Variants in CXADR observed in about 807,000 individuals in gnomAD.
The protein encoded by CXADR is coxsackievirus and adenovirus receptor.
CXADR carries 20 observed loss-of-function variants against 40.3 expected under a neutral mutation model. That is an observed-to-expected ratio of 0.50 (90% CI 0.35 to 0.72). The LOEUF (loss-of-function observed/expected upper bound fraction) is 0.72, where lower values mean the gene tolerates loss of function less well. CXADR is among the 30% of genes least tolerant of loss of function. CXADR has a pLI of 0.01. For synonymous variants in CXADR, 150 were observed against 161.3 expected (o/e 0.93, Z 0.53); for missense variants, 332 against 449.1 (o/e 0.74, Z 2.36).
chr21:17,532,973 T>C lies in CXADR; in HGVS notation c.44-14054T>C, dbSNP rs1051582064. On this transcript the variant is annotated intron_variant, in intron 1 of 6. Coordinates refer to ENST00000284878, the MANE Select transcript of CXADR (RefSeq NM_001338.5). ...GAACTCCTACTGTTTAAGAAATGTC[T>C]GCATTTGTTGGGAGCTGGACTCAGA... is the stretch of plus-strand genomic sequence containing the variant. Among the ~76,000 whole-genome samples the C allele has an allele frequency of 3.9e-5, 6 of 152,332 alleles. No individual in the cohort carries two copies. In the South Asian group the frequency reaches 1.2e-3, roughly 32 times the overall value.
At chr21:17,538,522 T>C (rs778520237) in intron 1 of CXADR, among the ~76,000 whole-genome samples, 2 of 152,080 alleles carry the variant, frequency 1.3e-5, no homozygotes, top group African/African-American at 2.4e-5. Context: ...AAAGGAGTTA[T>C]AGGCTGGATG....
At chr21:17,624,572 A>G in the CXADR span, among the ~76,000 whole-genome samples, 1 of 152,220 alleles carries the variant, frequency 6.6e-6, no homozygotes, top group Non-Finnish European at 1.5e-5. Context: ...TGCAGCCAGA[A>G]AAAGTTTTTT....
At chr21:17,627,770 A>G in the CXADR span, among the ~76,000 whole-genome samples, 13 of 152,232 alleles carry the variant, frequency 8.5e-5, no homozygotes, top group Non-Finnish European at 1.5e-5. Context: ...TGAGAGAGAC[A>G]AAAGTTCAGA....
chr21:17,627,416 C>A, the CXADR span, among the ~76,000 whole-genome samples: 1 of 152,070 alleles, frequency 6.6e-6, no homozygotes, highest in African/African-American at 2.4e-5. Context: ...TTGTCATTAA[C>A]CAACAAGGAA....
At chr21:17,595,873 T>C (rs984997004), downstream of CXADR, among the ~76,000 whole-genome samples, 3 of 152,048 alleles carry the variant, frequency 2.0e-5, no homozygotes, top group Non-Finnish European at 4.4e-5. Flanking sequence ...TTTTCCAAAG[T>C]AGTGGTACTA....
At position 17,567,723 on chromosome 21, in the gene CXADR, A is replaced by T. The variant is rs1656390666; in HGVS notation, c.*2031A>T. The T allele has an allele frequency of 1.2e-6, 1 of 848,900 alleles. No individual in the cohort carries two copies. The highest frequency in any genetic ancestry group is 1.8e-5 in the African/African-American group (1 of 55,104). 52.6% of individuals were successfully genotyped at this position (848,900 alleles called of 1,614,324 possible). A position where few individuals can be genotyped will look rare whatever the true frequency, so the allele number is the denominator to read the frequency against. On this transcript the variant is annotated 3_prime_UTR_variant, in exon 7 of 7. Coordinates refer to ENST00000284878, the MANE Select transcript of CXADR (RefSeq NM_001338.5). ...GAATAAAGTTTATTTATAAAATATTATAAAAAATAAGTAAATAAACAGAAC... is the reference window on the plus strand; with the variant it reads ...GAATAAAGTTTATTTATAAAATATTTTAAAAAATAAGTAAATAAACAGAAC...
intron 1 of CXADR, among the ~76,000 whole-genome samples, chr21:17,524,525 G>A (rs951839623): frequency 5.9e-5 from 8 of 134,810 alleles, no homozygotes; most frequent in South Asian, 2.4e-4. Context: ...GCAGTGAGCC[G>A]AGATCATGCC....
At chr21:17,602,449 G>A in the CXADR span, among the ~76,000 whole-genome samples, 3 of 152,224 alleles carry the variant, frequency 2.0e-5, no homozygotes, top group South Asian at 2.1e-4. Flanking sequence ...ATACTTGCTA[G>A]ATCAGCTTTA....
the CXADR span, among the ~76,000 whole-genome samples, chr21:17,631,288 T>C: frequency 6.6e-6 from 1 of 152,178 alleles, no homozygotes; most frequent in African/African-American, 2.4e-5. Context: ...GCTTTTATAG[T>C]CTTAGACTAT....
At chr21:17,588,393 A>C (rs1601065816) in intron 7 of CXADR, among the ~76,000 whole-genome samples, 1 of 152,058 alleles carries the variant, frequency 6.6e-6, no homozygotes, top group Non-Finnish European at 1.5e-5. Flanking sequence ...GTTTGTTTGT[A>C]TCCTCTTTTA....
At chr21:17,556,052 A>G (rs2824354) in intron 3 of CXADR, among the ~76,000 whole-genome samples, 23,978 of 152,178 alleles carry the variant, frequency 0.16, 2,330 homozygotes, top group East Asian at 0.23. Flanking sequence ...ATGTCCAACT[A>G]CAACTTGATG....
At chr21:17,604,889 G>A in the CXADR span, 2 of 1,614,178 alleles carry the variant, frequency 1.2e-6, no homozygotes, top group Non-Finnish European at 1.7e-6. Context: ...GGTCCACCCA[G>A]AGAGTGAGCT....
chr21:17,579,329 G>A (rs2123375295), intron 7 of CXADR, among the ~76,000 whole-genome samples: 1 of 151,432 alleles, frequency 6.6e-6, no homozygotes, highest in East Asian at 2.0e-4. Flanking sequence ...CTGTCACCCA[G>A]GCTGGAGTGC....
At chr21:17,597,589 T>C (rs558111751), downstream of CXADR, among the ~76,000 whole-genome samples, 1 of 152,170 alleles carries the variant, frequency 6.6e-6, no homozygotes, top group Admixed American at 6.5e-5. Flanking sequence ...TTATACTGTC[T>C]TGTACTGTTT....
At chr21:17,597,958 G>C (rs1001521799), downstream of CXADR, among the ~76,000 whole-genome samples, 2 of 152,004 alleles carry the variant, frequency 1.3e-5, no homozygotes, top group Admixed American at 1.3e-4. Context: ...TTAGTAATAA[G>C]TACATTTACA....
intron 1 of CXADR, among the ~76,000 whole-genome samples, chr21:17,534,558 G>A (rs1001036646): frequency 7.9e-5 from 12 of 152,182 alleles, no homozygotes; most frequent in Admixed American, 7.9e-4. Flanking sequence ...TTGGAGTTAG[G>A]GTCTGGCAGA....
chr21:17,536,932 A>G (rs2060766319), intron 1 of CXADR, among the ~76,000 whole-genome samples: 2 of 151,744 alleles, frequency 1.3e-5, no homozygotes, highest in South Asian at 4.2e-4. Flanking sequence ...AATTTTTTGT[A>G]TTTTTAATAG....
chr21:17,594,080 A>G (rs375113180), downstream of CXADR: 18 of 1,610,754 alleles, frequency 1.1e-5, no homozygotes, highest in Non-Finnish European at 1.4e-5. Context: ...CACCAACACA[A>G]TCAAAAACGA....
intron 7 of CXADR, among the ~76,000 whole-genome samples, chr21:17,577,067 C>G (rs1425937416): frequency 6.6e-6 from 1 of 152,022 alleles, no homozygotes; most frequent in African/African-American, 2.4e-5. Context: ...TGTGTGACAT[C>G]ATTTACTGTG....
Sources: gnomAD v4.1 joint callset for allele counts (sites outside exome capture counted in the v4.1 genomes callset) on GRCh38, gnomAD v4.1.1 for gene constraint, MANE v1.5 for transcripts, NCBI Gene and HGNC (gene_info 2026-07-23, HGNC 2026-07-21) for gene names.